The following HDAC9 variants were observed in gnomAD, a reference collection of about 807,000 sequenced individuals.
The protein encoded by HDAC9 is histone deacetylase 9, also known as MEF-2 interacting transcription repressor (MITR) protein.
In HDAC9, 41 loss-of-function variants were observed where a neutral mutation model predicts 139.4. The observed-to-expected ratio is 0.29, with a 90% CI of 0.23 to 0.38. The LOEUF (loss-of-function observed/expected upper bound fraction) is 0.38. Among genes scored for constraint, HDAC9 ranks in the 10% least tolerant of loss-of-function variants. The probability of loss-of-function intolerance (pLI) is 1.00; values close to 1 mark genes in which losing one functional copy is unlikely to be tolerated. For synonymous variants in HDAC9, 517 were observed against 476.2 expected, an observed-to-expected ratio of 1.09 and a Z score of -1.12; for missense variants, 1,147 against 1,297.0, an observed-to-expected ratio of 0.88 and a Z score of 1.78.
intron 22 of HDAC9, among the ~76,000 whole-genome samples, chr7:18,876,078 C>A (rs13233322): frequency 0.4 from 60,644 of 151,898 alleles, 12,294 homozygotes; most frequent in South Asian, 0.55. Flanking sequence ...TCATTTTGTT[C>A]CCTTGTGTCT....
At chr7:18,797,009 A>G (rs1792859670) in intron 17 of HDAC9, among the ~76,000 whole-genome samples, 1 of 152,234 alleles carries the variant, frequency 6.6e-6, no homozygotes, top group Admixed American at 6.5e-5. Flanking sequence ...ATACTGAATG[A>G]ATATGAGTTT....
intron 16 of HDAC9, 81 bp downstream of exon 16, chr7:18,767,236 A>G: frequency 1.3e-6 from 1 of 792,940 alleles, no homozygotes; most frequent in South Asian, 2.0e-5. Flanking sequence ...ATTCAGTTTT[A>G]GGGTTATTTC....
At chr7:18,291,112 G>A (rs934272807) in intron 1 of HDAC9, among the ~76,000 whole-genome samples, 1 of 152,074 alleles carries the variant, frequency 6.6e-6, no homozygotes, top group African/African-American at 2.4e-5. Flanking sequence ...TAGTTGAATT[G>A]CAGCATTTTG....
intron 12 of HDAC9, among the ~76,000 whole-genome samples, chr7:18,687,871 T>G (rs952772016): frequency 3.3e-5 from 5 of 151,830 alleles, no homozygotes; most frequent in African/African-American, 1.2e-4. Context: ...TAATAAAGAT[T>G]GTTTTAGTCT....
intron 1 of HDAC9, among the ~76,000 whole-genome samples, chr7:18,420,194 C>T (rs914639132): frequency 2.6e-5 from 4 of 152,224 alleles, no homozygotes; most frequent in Admixed American, 6.5e-5. Flanking sequence ...GACAAGCGTA[C>T]TATCTGATTA....
At chr7:18,505,949 C>G (rs1467685490) in intron 2 of HDAC9, 2 of 152,180 alleles carry the variant, frequency 1.3e-5, no homozygotes, top group Admixed American at 6.5e-5. Context: ...GTATTTCTAT[C>G]TTATGGCATC....
chr7:18,579,728 T>C (rs1827175411), intron 2 of HDAC9, among the ~76,000 whole-genome samples: 1 of 152,222 alleles, frequency 6.6e-6, no homozygotes, highest in African/African-American at 2.4e-5. Context: ...TAGCACCTTT[T>C]TCAGTGGAAA....
At chr7:18,668,696 T>C in intron 12 of HDAC9, 26 of 975,014 alleles carry the variant, frequency 2.7e-5, no homozygotes, top group Non-Finnish European at 3.2e-5. Context: ...TTGATAAATG[T>C]CTCTTTTAAA....
At chr7:18,903,473 G>C (rs551654509) in intron 22 of HDAC9, among the ~76,000 whole-genome samples, 1 of 152,142 alleles carries the variant, frequency 6.6e-6, no homozygotes, top group East Asian at 1.9e-4. Context: ...CTTTCAAATA[G>C]ACATCCAGTG....
At chr7:18,418,834 C>A (rs1212858788) in intron 1 of HDAC9, among the ~76,000 whole-genome samples, 4 of 151,706 alleles carry the variant, frequency 2.6e-5, no homozygotes, top group Non-Finnish European at 5.9e-5. Flanking sequence ...ATGTGGAGTC[C>A]CCATAACATT....
At chr7:18,824,054 G>GAAGAAC in intron 17 of HDAC9, among the ~76,000 whole-genome samples, 1 of 145,748 alleles carries the variant, frequency 6.9e-6, no homozygotes, top group South Asian at 2.3e-4. Flanking sequence ...GGAAGAAGAA[G>GAAGAAC]AAGAAGAAGA....
chr7:18,426,637 C>T (rs1242330506), intron 1 of HDAC9, among the ~76,000 whole-genome samples: 1 of 152,138 alleles, frequency 6.6e-6, no homozygotes, highest in Admixed American at 6.6e-5. Context: ...AAAGTTTAGT[C>T]ACACTCATAC....
At chr7:18,300,750 G>A (rs536449412) in intron 1 of HDAC9, among the ~76,000 whole-genome samples, 1 of 152,070 alleles carries the variant, frequency 6.6e-6, no homozygotes, top group Admixed American at 6.6e-5. Flanking sequence ...TAGCAAAGCC[G>A]TATTTTGTCT....
chr7:18,554,339 T>C (rs1372212891), intron 2 of HDAC9, among the ~76,000 whole-genome samples: 1 of 135,754 alleles, frequency 7.4e-6, no homozygotes, highest in African/African-American at 2.8e-5. Context: ...TTTTTTTTTT[T>C]TTTTTTTTTT....
In HDAC9 at chr7:18,666,666, C is replaced by T. The variant is rs1794973434; in HGVS notation, c.1731+190C>T. ...ATCTATATAGAGGTCTTTCTATATA[C>T]TGATCTCTATATAGATATCAATGTT... is the stretch of plus-strand genomic sequence containing the variant. On this transcript the variant is annotated intron_variant, in intron 12 of 25. Transcript: ENST00000686413. The T allele has an allele frequency of 8.0e-6, 11 of 1,369,022 alleles. 1 individual carries two copies. In the Middle Eastern group the frequency reaches 1.3e-3, roughly 165 times the overall value. The allele number at this position is 1,369,022 out of a possible 1,614,324, so 84.8% of individuals were successfully genotyped here. A position where few individuals can be genotyped will look rare whatever the true frequency, so the allele number is the denominator to read the frequency against.
chr7:18,535,042 T>C (rs1361474903), intron 2 of HDAC9, among the ~76,000 whole-genome samples: 1 of 152,178 alleles, frequency 6.6e-6, no homozygotes, highest in East Asian at 1.9e-4. Context: ...ATGAGGCTGC[T>C]TGTTGCTCAC....
At chr7:18,264,160 A>G (rs1795855534) in intron 2 of HDAC9, among the ~76,000 whole-genome samples, 1 of 152,198 alleles carries the variant, frequency 6.6e-6, no homozygotes. Flanking sequence ...AATAGAAGAC[A>G]TGAACAACAC....
chr7:18,518,700 C>T (rs1804011198), intron 2 of HDAC9, among the ~76,000 whole-genome samples: 1 of 152,176 alleles, frequency 6.6e-6, no homozygotes, highest in Non-Finnish European at 1.5e-5. Flanking sequence ...TTAACTGGCC[C>T]TGAGGGAACC....
Position 18,996,385 on chromosome 7 carries a change from A to C in HDAC9, c.*323A>C, listed in dbSNP as rs1786465202. 1.0e-5 allele frequency: 2 copies of C among 200,574 alleles called. No homozygotes were observed. The highest frequency in any genetic ancestry group is 4.6e-5 in the African/African-American group (2 of 43,134). 12.4% of individuals were successfully genotyped at this position (200,574 alleles called of 1,614,324 possible). ...TTGAACTAGAAACATTCAGTACAGC[A>C]CTAGATATTGTTAATTTCAGAAGCT... On this transcript the variant is annotated 3_prime_UTR_variant, in exon 26 of 26. Transcript: ENST00000686413.
Sources: allele counts gnomAD v4.1 joint callset (sites outside exome capture counted in the v4.1 genomes callset), GRCh38; gene constraint gnomAD v4.1.1; transcripts MANE v1.5; gene names NCBI Gene and HGNC (gene_info 2026-07-23, HGNC 2026-07-21).